LPP: variants seen among roughly 807,000 people sequenced by gnomAD.
LPP encodes LIM domain containing preferred translocation partner in lipoma, also known as lipoma-preferred partner.
LPP carries 38 observed loss-of-function variants against 60.4 expected under a neutral mutation model. The ratio of observed to expected loss-of-function variants is 0.63; its 90% CI spans 0.49 to 0.83. The LOEUF (loss-of-function observed/expected upper bound fraction) is 0.83. LPP is among the 40% of genes least tolerant of loss of function. The pLI, the probability that LPP is intolerant of heterozygous loss-of-function variation, is 0.00. For missense variants in LPP, 902 were observed against 783.6 expected, an observed-to-expected ratio of 1.15 and a Z score of -1.80; for synonymous variants, 328 against 290.8, an observed-to-expected ratio of 1.13 and a Z score of -1.30.
chr3:188,578,119 G>C (rs1382980410), intron 6 of LPP, among the ~76,000 whole-genome samples: 1 of 151,886 alleles, frequency 6.6e-6, no homozygotes. Context: ...TTTCAATATA[G>C]AGTGACCATC....
At chr3:188,463,573 T>C (rs564857541) in intron 4 of LPP, among the ~76,000 whole-genome samples, 1 of 152,170 alleles carries the variant, frequency 6.6e-6, no homozygotes, top group Non-Finnish European at 1.5e-5. Context: ...TAGATTTTCT[T>C]ACCCATCTTT....
Position 188,609,845 on chromosome 3 carries a change from G to A in LPP, c.1113+1G>A. The stretch of plus-strand genomic sequence containing the variant: ...CTGTGCGCCACCATTGCAGCCAAAG[G>A]TAAGAAACTCAGTAACATAAGGAGG... On this transcript the variant is annotated splice_donor_variant, in intron 7 of 11. Coordinates refer to ENST00000617246, the MANE Select transcript of LPP (RefSeq NM_001375462.1). LOFTEE classifies it high-confidence loss of function. This position sits in a 1 kb window ranked among gnomAD's most constrained non-coding sequence, Gnocchi z 6.9. The A allele has an allele frequency of 6.2e-7, 1 of 1,606,184 alleles. No homozygotes were observed. The highest frequency in any genetic ancestry group is 8.5e-7 in the Non-Finnish European group (1 of 1,176,766).
chr3:188,793,039 A>G (rs1744261231), intron 9 of LPP, among the ~76,000 whole-genome samples: 1 of 152,192 alleles, frequency 6.6e-6, no homozygotes, highest in Admixed American at 6.5e-5. Context: ...GCACCGGTCC[A>G]CATCACAGGA....
At chr3:188,344,115 C>T (rs373879867) in intron 3 of LPP, among the ~76,000 whole-genome samples, 30 of 152,178 alleles carry the variant, frequency 2.0e-4, no homozygotes, top group Admixed American at 2.0e-3. Flanking sequence ...TGTACTTGAA[C>T]GAGAACAGGC....
chr3:188,171,402 C>T (rs1721542256), intron 1 of LPP, among the ~76,000 whole-genome samples: 1 of 152,202 alleles, frequency 6.6e-6, no homozygotes, highest in South Asian at 2.1e-4. Flanking sequence ...TTCTTGTCTA[C>T]ACCCTCAATG....
chr3:188,394,929 G>A (rs1395048818), intron 3 of LPP, among the ~76,000 whole-genome samples: 3 of 152,036 alleles, frequency 2.0e-5, no homozygotes, highest in Admixed American at 1.3e-4. Context: ...ATGTGAAATT[G>A]CAAAACTAGC....
At chr3:188,639,748 CA>C (rs550358689) in intron 7 of LPP, among the ~76,000 whole-genome samples, 2 of 151,778 alleles carry the variant, frequency 1.3e-5, no homozygotes, top group African/African-American at 2.4e-5. Flanking sequence ...TTTATGCAGC[CA>C]AAAAAACACA....
At chr3:188,319,347 A>AT (rs894354791) in intron 2 of LPP, among the ~76,000 whole-genome samples, 1 of 152,080 alleles carries the variant, frequency 6.6e-6, no homozygotes, top group African/African-American at 2.4e-5. Flanking sequence ...AAAAATGTGG[A>AT]TTTTTCAGTT....
At chr3:188,619,909 A>G (rs985392683) in intron 7 of LPP, among the ~76,000 whole-genome samples, 5 of 152,132 alleles carry the variant, frequency 3.3e-5, no homozygotes, top group African/African-American at 1.2e-4. Context: ...AGTAGGTTCT[A>G]TATCCCTCCT....
chr3:188,369,641 A>C (rs1305077215), intron 3 of LPP, among the ~76,000 whole-genome samples: 1 of 152,172 alleles, frequency 6.6e-6, no homozygotes, highest in African/African-American at 2.4e-5. Flanking sequence ...CCTTTGAGCT[A>C]GGTACTGTTT....
chr3:188,586,238 A>G (rs907681315), intron 6 of LPP, among the ~76,000 whole-genome samples: 3 of 152,200 alleles, frequency 2.0e-5, no homozygotes, highest in African/African-American at 7.2e-5. Context: ...ACATTTTAAG[A>G]GGAAAATGTT....
chr3:188,628,871 A>C (rs1847342509), intron 7 of LPP, among the ~76,000 whole-genome samples: 3 of 152,178 alleles, frequency 2.0e-5, no homozygotes, highest in Admixed American at 2.0e-4. Context: ...ATACTAGCAA[A>C]TTGAATCCAG....
At chr3:188,251,668 A>T (rs754646285) in intron 2 of LPP, among the ~76,000 whole-genome samples, 1 of 152,102 alleles carries the variant, frequency 6.6e-6, no homozygotes, top group Admixed American at 6.5e-5. Flanking sequence ...GGATTTGCTT[A>T]TGGTGCTCCT....
intron 4 of LPP, among the ~76,000 whole-genome samples, chr3:188,444,553 C>T (rs1343204433): frequency 6.6e-6 from 1 of 152,028 alleles, no homozygotes; most frequent in East Asian, 1.9e-4. Context: ...CTAGGCAATA[C>T]CATTTAGGAC....
intron 2 of LPP, among the ~76,000 whole-genome samples, chr3:188,296,066 T>C (rs762847015): frequency 4.6e-5 from 7 of 152,162 alleles, no homozygotes; most frequent in Non-Finnish European, 7.4e-5. Flanking sequence ...TAGAGACTGA[T>C]GACTGTACCT....
intron 2 of LPP, among the ~76,000 whole-genome samples, chr3:188,251,781 A>G (rs1325737563): frequency 2.0e-5 from 3 of 151,750 alleles, no homozygotes; most frequent in South Asian, 2.1e-4. Flanking sequence ...CTATATCCCA[A>G]TGGTCATTAT....
intron 7 of LPP, among the ~76,000 whole-genome samples, chr3:188,684,172 T>G (rs1448171450): frequency 6.6e-6 from 1 of 152,232 alleles, no homozygotes; most frequent in Non-Finnish European, 1.5e-5. Flanking sequence ...GTTAAATGTT[T>G]GCATATTTTT....
chr3:188,414,709 G>C (rs1375875327), intron 4 of LPP, among the ~76,000 whole-genome samples: 1 of 152,058 alleles, frequency 6.6e-6, no homozygotes, highest in Admixed American at 6.6e-5. Context: ...CGAAGTACAG[G>C]TTCTTTGCCC....
chr3:188,177,236 GC>G (rs1723310075), intron 1 of LPP, among the ~76,000 whole-genome samples: 1 of 152,222 alleles, frequency 6.6e-6, no homozygotes, highest in South Asian at 2.1e-4. Flanking sequence ...CAGTAGAGAT[GC>G]CCTCATTTTC....
Sources: allele counts gnomAD v4.1 joint callset (sites outside exome capture counted in the v4.1 genomes callset), GRCh38; gene constraint gnomAD v4.1.1; non-coding constraint Gnocchi (gnomAD v3.1); transcripts MANE v1.5; gene names NCBI Gene and HGNC (gene_info 2026-07-23, HGNC 2026-07-21).